LCORL: variants seen among roughly 807,000 people sequenced by gnomAD.
LCORL encodes the protein ligand dependent nuclear receptor corepressor like.
A neutral mutation model predicts 141.8 loss-of-function variants in LCORL; 41 were observed. The observed-to-expected ratio is 0.29, with a 90% CI of 0.23 to 0.38. The LOEUF (loss-of-function observed/expected upper bound fraction) is 0.38. Ranked by LOEUF, LCORL falls within the 10% of genes least tolerant of loss-of-function variation. The pLI is 1.00. For missense variants in LCORL, 1,759 were observed against 2,035.0 expected, an observed-to-expected ratio of 0.86 and a Z score of 2.61; for synonymous variants, 618 against 694.1, an observed-to-expected ratio of 0.89 and a Z score of 1.72.
intron 7 of LCORL, among the ~76,000 whole-genome samples, chr4:17,851,115 C>T (rs1165859873): frequency 8.5e-6 from 1 of 118,064 alleles, no homozygotes; most frequent in African/African-American, 3.4e-5. Flanking sequence ...ACATCACACT[C>T]TGGGGACTGT....
intron 7 of LCORL, among the ~76,000 whole-genome samples, chr4:17,871,895 A>T (rs1726381844): frequency 6.6e-6 from 1 of 152,004 alleles, no homozygotes; most frequent in South Asian, 2.1e-4. Flanking sequence ...CATGTTAGAT[A>T]TTTGAAATTT....
exon 8 of LCORL, chr4:17,843,461 T>G (rs1304388819): frequency 6.2e-7 from 1 of 1,600,996 alleles, no homozygotes; most frequent in Admixed American, 1.7e-5. Flanking sequence ...TAAGATTATG[T>G]CCAGTTATTT....
chr4:17,846,658 C>T (rs984455888), intron 7 of LCORL, among the ~76,000 whole-genome samples: 1 of 152,086 alleles, frequency 6.6e-6, no homozygotes, highest in African/African-American at 2.4e-5. Context: ...GGTCAGATCT[C>T]TTCAACATTA....
chr4:17,848,877 T>C (rs1360452724), intron 7 of LCORL, among the ~76,000 whole-genome samples: 1 of 152,214 alleles, frequency 6.6e-6, no homozygotes, highest in African/African-American at 2.4e-5. Context: ...CAGGAGATTA[T>C]ATCCCACACC....
chr4:17,967,657 T>C (rs568793789), intron 2 of LCORL, among the ~76,000 whole-genome samples: 2 of 152,308 alleles, frequency 1.3e-5, no homozygotes, highest in South Asian at 4.1e-4. Flanking sequence ...ATCAAAAAGA[T>C]GCACTACAAT....
intron 2 of LCORL, among the ~76,000 whole-genome samples, chr4:17,963,391 A>G (rs1172769728): frequency 6.6e-6 from 1 of 151,990 alleles, no homozygotes; most frequent in Non-Finnish European, 1.5e-5. Flanking sequence ...GAATCAGAAC[A>G]AAGGGGGAGA....
chr4:17,952,856 T>G (rs183774057), intron 4 of LCORL, among the ~76,000 whole-genome samples: 1 of 152,170 alleles, frequency 6.6e-6, no homozygotes, highest in South Asian at 2.1e-4. Context: ...GATAGTTATT[T>G]TTCCTGATCC....
chr4:17,888,965 A>C (rs897593501), intron 5 of LCORL, among the ~76,000 whole-genome samples: 4 of 152,246 alleles, frequency 2.6e-5, no homozygotes, highest in African/African-American at 9.6e-5. Flanking sequence ...AGAATGAAGT[A>C]ATGAAATTTC....
At chr4:17,938,236 AC>A (rs1361028648) in intron 4 of LCORL, among the ~76,000 whole-genome samples, 3 of 151,268 alleles carry the variant, frequency 2.0e-5, no homozygotes, top group Non-Finnish European at 4.4e-5. Flanking sequence ...CGAACTCCCA[AC>A]CTCAGGTGAT....
chr4:18,021,875 A>C lies in LCORL; in HGVS notation c.-124T>G. 8.9e-7 allele frequency: 1 copy of C among 1,119,070 alleles called. No individual in the cohort carries two copies. Among genetic ancestry groups the C allele is most frequent in the Non-Finnish European group, 1.2e-6 (1 of 832,580 alleles). 69.3% of individuals were successfully genotyped at this position (1,119,070 alleles called of 1,614,324 possible). A position where few individuals can be genotyped will look rare whatever the true frequency, so the allele number is the denominator to read the frequency against. Reference sequence around the variant, plus strand: ...GGAGGGGGGTTGATTGACACGTGTCACTACCTTCCCTCTGCCCTGCCCTCC... The same window carrying C: ...GGAGGGGGGTTGATTGACACGTGTCCCTACCTTCCCTCTGCCCTGCCCTCC... On this transcript the variant is annotated 5_prime_UTR_variant, in exon 1 of 8. Transcript: ENST00000635767. This position sits in a 1 kb window ranked among gnomAD's most constrained non-coding sequence, Gnocchi z 5.5.
chr4:18,006,817 T>G (rs1170884207), intron 1 of LCORL, among the ~76,000 whole-genome samples: 6 of 152,150 alleles, frequency 3.9e-5, no homozygotes, highest in African/African-American at 7.2e-5. Flanking sequence ...AAGATGAGAT[T>G]TGGGTGGGGA....
intron 4 of LCORL, among the ~76,000 whole-genome samples, chr4:17,932,575 T>C (rs1191618730): frequency 6.6e-6 from 1 of 152,192 alleles, no homozygotes; most frequent in Non-Finnish European, 1.5e-5. Flanking sequence ...AAATAAAATA[T>C]GGCCAATGCT....
At chr4:18,014,491 A>G (rs1724306633) in intron 1 of LCORL, among the ~76,000 whole-genome samples, 1 of 152,232 alleles carries the variant, frequency 6.6e-6, no homozygotes, top group African/African-American at 2.4e-5. Flanking sequence ...CATAAAAAAA[A>G]AAATTGAATC....
chr4:17,886,452 G>A (rs879481934), intron 5 of LCORL, among the ~76,000 whole-genome samples: 9 of 152,150 alleles, frequency 5.9e-5, no homozygotes, highest in Admixed American at 5.9e-4. Context: ...CCATTTTGTA[G>A]TGAATAGCCA....
At chr4:17,898,927 T>C (rs1004647169) in intron 5 of LCORL, among the ~76,000 whole-genome samples, 1 of 152,230 alleles carries the variant, frequency 6.6e-6, no homozygotes. Flanking sequence ...CCAGTTTGTA[T>C]TTCCACAGTA....
intron 7 of LCORL, among the ~76,000 whole-genome samples, chr4:17,864,241 T>A (rs185373991): frequency 0.094 from 14,278 of 152,194 alleles, 873 homozygotes; most frequent in South Asian, 0.22. Context: ...CACTTTTTTT[T>A]TAAAACAGTG....
intron 7 of LCORL, among the ~76,000 whole-genome samples, chr4:17,853,402 C>G (rs889973932): frequency 1.3e-5 from 2 of 152,088 alleles, no homozygotes; most frequent in Non-Finnish European, 2.9e-5. Flanking sequence ...ATGGCATTAA[C>G]TAAATAAGTA....
intron 5 of LCORL, among the ~76,000 whole-genome samples, chr4:17,891,848 C>T (rs1228630586): frequency 1.3e-5 from 2 of 152,050 alleles, no homozygotes; most frequent in Non-Finnish European, 2.9e-5. Flanking sequence ...GTTGATAAAG[C>T]GTCGAGCAGT....
At chr4:17,953,967 T>C (rs1170805292) in intron 4 of LCORL, among the ~76,000 whole-genome samples, 1 of 152,006 alleles carries the variant, frequency 6.6e-6, no homozygotes, top group Admixed American at 6.5e-5. Context: ...ATCGAGACCA[T>C]CCTGCATAAC....
Sources: allele counts gnomAD v4.1 joint callset (sites outside exome capture counted in the v4.1 genomes callset), GRCh38; gene constraint gnomAD v4.1.1; non-coding constraint Gnocchi (gnomAD v3.1); transcripts MANE v1.5; gene names NCBI Gene and HGNC (gene_info 2026-07-23, HGNC 2026-07-21).